ROBO2: variants seen among roughly 807,000 people sequenced by gnomAD.
ROBO2 encodes the protein roundabout guidance receptor 2.
Under a neutral mutation model 160.8 loss-of-function variants are expected in ROBO2, and 53 were observed. That is an observed-to-expected ratio of 0.33 (90% CI 0.26 to 0.41). The LOEUF is 0.41. Ranked by LOEUF, ROBO2 falls within the 10% of genes least tolerant of loss-of-function variation. The probability of loss-of-function intolerance (pLI) is 1.00; values close to 1 mark genes in which losing one functional copy is unlikely to be tolerated. For synonymous variants in ROBO2, 664 were observed against 611.7 expected (o/e 1.09, Z -1.26); for missense variants, 1,577 against 1,722.4 (o/e 0.92, Z 1.49).
intron 2 of ROBO2, among the ~76,000 whole-genome samples, chr3:76,944,596 A>G (rs2078399099): frequency 6.6e-6 from 1 of 152,214 alleles, no homozygotes; most frequent in Non-Finnish European, 1.5e-5. Context: ...TTTCTTCCCT[A>G]CATTGCTTTC....
intron 2 of ROBO2, among the ~76,000 whole-genome samples, chr3:77,470,540 C>T (rs59151511): frequency 0.014 from 2,139 of 152,184 alleles, 58 homozygotes; most frequent in African/African-American, 0.047. Flanking sequence ...ATATCCATGA[C>T]GCTATCTTTG....
chr3:77,223,473 T>C (rs1438901434), intron 2 of ROBO2, among the ~76,000 whole-genome samples: 1 of 152,144 alleles, frequency 6.6e-6, no homozygotes, highest in African/African-American at 2.4e-5. Context: ...CCTTGAAATT[T>C]AGACCCACAT....
In ROBO2 at chr3:76,785,991, A is replaced by G. The variant is rs554249948; in HGVS notation, c.110-312023A>G. Among the ~76,000 whole-genome samples the G allele has an allele frequency of 2.0e-5, 3 of 151,472 alleles. No homozygotes were observed. In the South Asian group the frequency reaches 6.2e-4, roughly 31 times the overall value. On this transcript the variant is annotated intron_variant, in intron 2 of 26. Transcript: ENST00000487694. The stretch of plus-strand genomic sequence containing the variant: ...CATCCAACTGAAGGTCAAATCAGTA[A>G]GTCCTAATCAAGTTCCTGATATATA...
At chr3:76,763,868 G>A (rs1257446227) in intron 2 of ROBO2, among the ~76,000 whole-genome samples, 1 of 151,734 alleles carries the variant, frequency 6.6e-6, no homozygotes, top group Non-Finnish European at 1.5e-5. Flanking sequence ...TGAGCCTGTG[G>A]ATCAGAGCCG....
At chr3:76,497,862 T>TCCAGCATTC (rs1217606358) in intron 2 of ROBO2, among the ~76,000 whole-genome samples, 5 of 151,990 alleles carry the variant, frequency 3.3e-5, no homozygotes, top group Non-Finnish European at 7.4e-5. Context: ...TCCCAGCATT[T>TCCAGCATTC]CCAGCATTCC....
intron 2 of ROBO2, among the ~76,000 whole-genome samples, chr3:77,264,218 A>C (rs1297187741): frequency 6.6e-6 from 1 of 152,258 alleles, no homozygotes; most frequent in Non-Finnish European, 1.5e-5. Context: ...CAAAAATTAT[A>C]TAAGTAGTTA....
Position 77,617,588 on chromosome 3 carries a change from A to G in ROBO2, c.3369A>G (p.Glu1123=), listed in dbSNP as rs753093635. Residue 1123 remains glutamate (E), a synonymous_variant, in exon 22 of 26, where the codon GAA becomes GAG. Transcript: ENST00000461745. Reference sequence around the variant, plus strand: ...ACCAAGGTCTGGAAGATGAACTGGAAGAAGATGATGATAGGGTCCCAACAC... The same window carrying G: ...ACCAAGGTCTGGAAGATGAACTGGAGGAAGATGATGATAGGGTCCCAACAC... 16 of 1,614,066 alleles carry G rather than the reference A, an allele frequency of 9.9e-6. No individual in the cohort carries two copies. Among genetic ancestry groups the G allele is most frequent in the Non-Finnish European group, 1.2e-5 (14 of 1,180,022 alleles).
At chr3:76,094,151 C>T (rs2069346021) in intron 2 of ROBO2, among the ~76,000 whole-genome samples, 1 of 152,140 alleles carries the variant, frequency 6.6e-6, no homozygotes, top group Non-Finnish European at 1.5e-5. Context: ...CACACACACA[C>T]ACACAAGCAC....
chr3:77,260,591 G>A (rs374276059), intron 2 of ROBO2, among the ~76,000 whole-genome samples: 14 of 152,226 alleles, frequency 9.2e-5, no homozygotes, highest in East Asian at 3.9e-4. Context: ...AATGCAACAC[G>A]AAGATTCAGC....
rs146638376 is a variant in ROBO2 at position 76,288,996 on chromosome 3, G to A, written c.109+351394G>A. 3.4e-3 allele frequency among the ~76,000 whole-genome samples: 517 copies of A among 152,104 alleles called. 6 individuals are homozygous for A. The highest frequency in any genetic ancestry group is 0.025 in the Admixed American group (378 of 15,252). On this transcript the variant is annotated intron_variant, in intron 2 of 26. Transcript: ENST00000487694. ...TTTATGGTAGAAAAATTTATATTTT[G>A]GGGGGTACATACCCTGTAACAGAAT...
chr3:77,421,200 G>A (rs1353634246), intron 2 of ROBO2, among the ~76,000 whole-genome samples: 2 of 152,026 alleles, frequency 1.3e-5, no homozygotes, highest in Non-Finnish European at 2.9e-5. Flanking sequence ...AGATGTGTCT[G>A]GAAATGTCAC....
chr3:77,096,264 T>A (rs2071042790), intron 1 of ROBO2, among the ~76,000 whole-genome samples: 1 of 152,108 alleles, frequency 6.6e-6, no homozygotes, highest in Non-Finnish European at 1.5e-5. Flanking sequence ...AATCATTATG[T>A]CCCCATATAT....
chr3:77,330,376 G>A (rs1277181263), intron 2 of ROBO2, among the ~76,000 whole-genome samples: 1 of 152,150 alleles, frequency 6.6e-6, no homozygotes, highest in African/African-American at 2.4e-5. Context: ...AAATTAGTCT[G>A]GTGTGGTGGC....
intron 2 of ROBO2, among the ~76,000 whole-genome samples, chr3:76,328,299 A>G (rs558920209): frequency 1.3e-5 from 2 of 152,324 alleles, no homozygotes; most frequent in South Asian, 4.1e-4. Flanking sequence ...TGAATATCCC[A>G]TTAACCAATT....
At chr3:76,067,603 T>A (rs775043659) in intron 2 of ROBO2, among the ~76,000 whole-genome samples, 2 of 152,160 alleles carry the variant, frequency 1.3e-5, no homozygotes, top group Non-Finnish European at 2.9e-5. Flanking sequence ...TCCTGTAGCA[T>A]TTATCTGTAC....
At chr3:76,976,490 G>T (rs1338879196) in intron 2 of ROBO2, among the ~76,000 whole-genome samples, 2 of 152,054 alleles carry the variant, frequency 1.3e-5, no homozygotes, top group African/African-American at 2.4e-5. Context: ...TAATCTTTAG[G>T]TTGCATTTTT....
At chr3:76,938,295 A>T (rs1229756111) in intron 2 of ROBO2, among the ~76,000 whole-genome samples, 1 of 151,906 alleles carries the variant, frequency 6.6e-6, no homozygotes, top group Non-Finnish European at 1.5e-5. Flanking sequence ...CGGACGCTGC[A>T]GTGAGCCGAG....
At chr3:76,717,625 T>G (rs1010727969) in intron 2 of ROBO2, among the ~76,000 whole-genome samples, 1 of 152,188 alleles carries the variant, frequency 6.6e-6, no homozygotes, top group Admixed American at 6.5e-5. Context: ...GCGATCAAAC[T>G]GAATATATCA....
chr3:76,344,233 C>T (rs564424641), intron 2 of ROBO2, among the ~76,000 whole-genome samples: 61 of 152,150 alleles, frequency 4.0e-4, no homozygotes, highest in African/African-American at 1.3e-3. Context: ...GCCTGGATTA[C>T]GTTTTGCTAT....
Sources: allele counts gnomAD v4.1 joint callset (sites outside exome capture counted in the v4.1 genomes callset), GRCh38; gene constraint gnomAD v4.1.1; transcripts MANE v1.5; gene names NCBI Gene and HGNC (gene_info 2026-07-23, HGNC 2026-07-21).